Variants in MATCAP1 observed in about 807,000 individuals in gnomAD.
The protein encoded by MATCAP1 is microtubule associated tyrosine carboxypeptidase 1.
the MATCAP1 span, chr16:67,179,048 C>A: frequency 8.9e-7 from 1 of 1,122,158 alleles, no homozygotes; most frequent in Non-Finnish European, 1.1e-6. The surrounding 1 kb of genome is among the most constrained non-coding windows in gnomAD (Gnocchi z 5.2). Flanking sequence ...CAAGTCCATT[C>A]CCAGGACCTG....
chr16:67,178,307 A>G, the MATCAP1 span: 2 of 1,582,654 alleles, frequency 1.3e-6, no homozygotes, highest in Admixed American at 3.6e-5. Context: ...TGACGGAAGG[A>G]CATGCGCGCG....
the MATCAP1 span, chr16:67,179,423 C>T: frequency 1.9e-6 from 3 of 1,605,634 alleles, no homozygotes; most frequent in East Asian, 4.5e-5. This position sits in a 1 kb window ranked among gnomAD's most constrained non-coding sequence, Gnocchi z 5.2. Flanking sequence ...GATACCCACA[C>T]CCTGACCTAT....
At chr16:67,177,584 C>T in the MATCAP1 span, among the ~76,000 whole-genome samples, 1 of 152,208 alleles carries the variant, frequency 6.6e-6, no homozygotes, top group African/African-American at 2.4e-5. Flanking sequence ...AATCCACCTC[C>T]CATATGATGT....
chr16:67,178,933 C>A, the MATCAP1 span: 2 of 421,132 alleles, frequency 4.7e-6, no homozygotes, highest in African/African-American at 2.1e-5. Context: ...CAACAGGATT[C>A]TCGAGGAAGA....
At chr16:67,176,814 G>A in the MATCAP1 span, 1 of 1,585,808 alleles carries the variant, frequency 6.3e-7, no homozygotes, top group African/African-American at 1.4e-5. This position sits in a 1 kb window ranked among gnomAD's most constrained non-coding sequence, Gnocchi z 4.3. Flanking sequence ...ACGGACATCA[G>A]TCGGGTAGCA....
the MATCAP1 span, chr16:67,179,606 C>T: frequency 6.3e-7 from 1 of 1,580,932 alleles, no homozygotes; most frequent in Non-Finnish European, 8.7e-7. This position sits in a 1 kb window ranked among gnomAD's most constrained non-coding sequence, Gnocchi z 5.2. Context: ...AGCCTGGGGC[C>T]AGGGTGCAGG....
chr16:67,176,759 G>A, the MATCAP1 span: 3 of 1,472,186 alleles, frequency 2.0e-6, no homozygotes, highest in Admixed American at 2.3e-5. The surrounding 1 kb of genome is among the most constrained non-coding windows in gnomAD (Gnocchi z 4.3). Context: ...ATGTTCTAGG[G>A]GCCTATCTGG....
At chr16:67,176,735 G>C in the MATCAP1 span, 1 of 1,393,200 alleles carries the variant, frequency 7.2e-7, no homozygotes, top group Non-Finnish European at 9.5e-7. The surrounding 1 kb of genome is among the most constrained non-coding windows in gnomAD (Gnocchi z 4.3). Context: ...TGGACGCACA[G>C]AGCAAACTGC....
chr16:67,176,865 G>A, the MATCAP1 span: 1 of 1,610,802 alleles, frequency 6.2e-7, no homozygotes, highest in Non-Finnish European at 8.5e-7. This position sits in a 1 kb window ranked among gnomAD's most constrained non-coding sequence, Gnocchi z 4.3. Context: ...TGGTGGCCAT[G>A]ATGTGCTCCA....
chr16:67,183,075 T>TATCTAGACTTCATCTTCCCC, the MATCAP1 span, among the ~76,000 whole-genome samples: 121 of 152,244 alleles, frequency 7.9e-4, no homozygotes, highest in African/African-American at 2.9e-3. Flanking sequence ...TTTGCTTCCC[T>TATCTAGACTTCATCTTCCCC]ATCTAGACTT....
chr16:67,178,662 C>T, the MATCAP1 span: 3 of 752,306 alleles, frequency 4.0e-6, no homozygotes, highest in East Asian at 8.0e-5. Context: ...CTCCCAGCCC[C>T]AGGCAGCGTG....
chr16:67,178,043 GGTCTGGCGAT>G, the MATCAP1 span: 1 of 1,614,208 alleles, frequency 6.2e-7, no homozygotes, highest in Non-Finnish European at 8.5e-7. Flanking sequence ...GGAAATCGAT[GGTCTGGCGAT>G]GTCGCAGAAT....
the MATCAP1 span, chr16:67,178,145 CCGAAG>C: frequency 6.9e-7 from 1 of 1,456,764 alleles, no homozygotes; most frequent in Non-Finnish European, 9.2e-7. Flanking sequence ...CGCCCCTCGC[CCGAAG>C]CCCCGCCCCC....
chr16:67,175,599 T>C, the MATCAP1 span: 1 of 157,016 alleles, frequency 6.4e-6, no homozygotes. Flanking sequence ...GCCACACACA[T>C]CATTGTCATT....
the MATCAP1 span, chr16:67,183,516 G>C: frequency 6.6e-6 from 1 of 152,240 alleles, no homozygotes; most frequent in African/African-American, 2.4e-5. Context: ...GGCAGGAATG[G>C]GGTCTGATTC....
the MATCAP1 span, chr16:67,178,464 C>T: frequency 6.5e-7 from 1 of 1,532,954 alleles, no homozygotes; most frequent in South Asian, 1.2e-5. Flanking sequence ...CGTTGTGCCA[C>T]GGCTGGCGCG....
At chr16:67,183,811 G>A in the MATCAP1 span, 1 of 172,630 alleles carries the variant, frequency 5.8e-6, no homozygotes, top group Non-Finnish European at 1.2e-5. Context: ...GATCAGGAAA[G>A]GTCGCGTCGC....
chr16:67,180,850 A>C, the MATCAP1 span, among the ~76,000 whole-genome samples: 11 of 152,146 alleles, frequency 7.2e-5, no homozygotes, highest in Non-Finnish European at 1.6e-4. Context: ...GGGCCGGAAG[A>C]AAGCACTTTT....
At chr16:67,178,537 C>T in the MATCAP1 span, 1 of 1,502,966 alleles carries the variant, frequency 6.7e-7, no homozygotes, top group Non-Finnish European at 8.9e-7. Context: ...CGGCGCTGGG[C>T]GGGGCGTTCG....
Sources: allele counts gnomAD v4.1 joint callset (sites outside exome capture counted in the v4.1 genomes callset), GRCh38; gene constraint gnomAD v4.1.1; non-coding constraint Gnocchi (gnomAD v3.1); transcripts MANE v1.5; gene names NCBI Gene and HGNC (gene_info 2026-07-23, HGNC 2026-07-21).